Variants in SUGCT observed in about 807,000 individuals in gnomAD.
SUGCT encodes the protein succinyl-CoA:glutarate CoA-transferase.
A neutral mutation model predicts 55.0 loss-of-function variants in SUGCT; 41 were observed. The ratio of observed to expected loss-of-function variants is 0.74; its 90% CI spans 0.58 to 0.97. The LOEUF is 0.97. SUGCT is among the 50% of genes least tolerant of loss of function. The probability of loss-of-function intolerance (pLI) is 0.00; values close to 1 mark genes in which losing one functional copy is unlikely to be tolerated. For missense variants in SUGCT, 568 were observed against 547.8 expected (o/e 1.04, Z -0.37); for synonymous variants, 187 against 200.4 (o/e 0.93, Z 0.56).
At chr7:40,898,696 C>CT in the SUGCT span, among the ~76,000 whole-genome samples, 1 of 150,376 alleles carries the variant, frequency 6.6e-6, no homozygotes, top group Non-Finnish European at 1.5e-5. Flanking sequence ...GAGACTCCGT[C>CT]TAAAAAAAAA....
At chr7:40,562,512 GCGTGAGGAGAT>G (rs2151666092) in intron 12 of SUGCT, among the ~76,000 whole-genome samples, 1 of 152,212 alleles carries the variant, frequency 6.6e-6, no homozygotes, top group African/African-American at 2.4e-5. Context: ...GTTTTCTGCT[GCGTGAGGAGAT>G]TGAACTTCAA....
chr7:40,854,694 C>G (rs1794079062), intron 13 of SUGCT, among the ~76,000 whole-genome samples: 1 of 151,922 alleles, frequency 6.6e-6, no homozygotes, highest in South Asian at 2.1e-4. Context: ...GTATTCTTAG[C>G]TACTTGGGAG....
chr7:40,321,136 T>C (rs753029022), intron 9 of SUGCT, among the ~76,000 whole-genome samples: 2 of 141,490 alleles, frequency 1.4e-5, no homozygotes, highest in Non-Finnish European at 3.0e-5. Flanking sequence ...GAGTGTATGG[T>C]GCGATCTCGG....
At chr7:40,228,966 C>T (rs10282170) in intron 6 of SUGCT, among the ~76,000 whole-genome samples, 41,125 of 151,984 alleles carry the variant, frequency 0.27, 5,849 homozygotes, top group East Asian at 0.48. Context: ...AAGGCCTTTC[C>T]GGGTTGGCTT....
chr7:40,940,716 GTA>G, the SUGCT span, among the ~76,000 whole-genome samples: 2 of 152,016 alleles, frequency 1.3e-5, no homozygotes, highest in African/African-American at 4.8e-5. Context: ...CTACTGGTTT[GTA>G]TACGTTGATT....
At chr7:40,766,479 G>C (rs1015210869) in intron 13 of SUGCT, among the ~76,000 whole-genome samples, 1 of 152,024 alleles carries the variant, frequency 6.6e-6, no homozygotes, top group Non-Finnish European at 1.5e-5. Context: ...CAAAGTGCTG[G>C]GAAAATCTTT....
chr7:40,944,176 A>G, the SUGCT span, among the ~76,000 whole-genome samples: 4 of 152,020 alleles, frequency 2.6e-5, no homozygotes, highest in Non-Finnish European at 5.9e-5. Flanking sequence ...GATTCTGGAT[A>G]TTAGCCCTTT....
At position 40,521,851 on chromosome 7, in the gene SUGCT, G is replaced by T. The variant is rs758982447; in HGVS notation, c.1089+25465G>T. Among the ~76,000 whole-genome samples the T allele has an allele frequency of 4.6e-4, 70 of 151,980 alleles. 3 individuals carry two copies. The highest frequency in any genetic ancestry group is 8.8e-5 in the Non-Finnish European group (6 of 67,974). On this transcript the variant is annotated intron_variant, in intron 12 of 13. Transcript: ENST00000335693. ...AATAATAGTTGCATCTTTGTTAAGT[G>T]GAAACATAGATTGGTGGTGCTGGTA...
chr7:40,657,672 T>C (rs1353494704), intron 12 of SUGCT, among the ~76,000 whole-genome samples: 7 of 151,972 alleles, frequency 4.6e-5, no homozygotes, highest in Non-Finnish European at 7.4e-5. Context: ...GTAGCTGGGA[T>C]TACAGGCACC....
At position 40,855,551 on chromosome 7, in the gene SUGCT, T is replaced by C. The variant is rs1297415985; in HGVS notation, c.1154-4765T>C. 4.6e-5 allele frequency among the ~76,000 whole-genome samples: 7 copies of C among 152,350 alleles called. No individual in the cohort carries two copies. The South Asian group carries it at 1.5e-3, about 32-fold the overall frequency. On this transcript the variant is annotated intron_variant, in intron 13 of 13. Coordinates refer to ENST00000335693, the MANE Select transcript of SUGCT (RefSeq NM_001193313.2). ...TCTGTTCTTGTTCTGTTTTGAGTTA[T>C]CTTCATTGTTTCCACTTTTAACATC...
chr7:40,392,442 C>T (rs113197253), intron 9 of SUGCT, among the ~76,000 whole-genome samples: 3,404 of 151,840 alleles, frequency 0.022, 111 homozygotes, highest in African/African-American at 0.071. Flanking sequence ...GCTATAGAGG[C>T]GGGTAGAGGG....
chr7:40,893,782 T>C, the SUGCT span, among the ~76,000 whole-genome samples: 1 of 152,082 alleles, frequency 6.6e-6, no homozygotes, highest in Non-Finnish European at 1.5e-5. Context: ...TACAAGAGGC[T>C]GGGCATGGTG....
At chr7:40,142,483 G>C (rs1485913916) in intron 1 of SUGCT, among the ~76,000 whole-genome samples, 1 of 152,196 alleles carries the variant, frequency 6.6e-6, no homozygotes, top group African/African-American at 2.4e-5. Flanking sequence ...GTTTTAGTAA[G>C]TGCTGTTTTT....
chr7:40,876,527 G>T, the SUGCT span, among the ~76,000 whole-genome samples: 1 of 152,262 alleles, frequency 6.6e-6, no homozygotes, highest in African/African-American at 2.4e-5. Context: ...AAAGGAAAGG[G>T]GATCCCATGT....
intron 9 of SUGCT, among the ~76,000 whole-genome samples, chr7:40,328,872 A>G (rs994801721): frequency 2.6e-5 from 4 of 152,118 alleles, no homozygotes; most frequent in African/African-American, 4.8e-5. Flanking sequence ...AATGGGTTCA[A>G]ATCTACCCAA....
the SUGCT span, among the ~76,000 whole-genome samples, chr7:41,022,169 G>T: frequency 2.0e-5 from 3 of 152,068 alleles, no homozygotes; most frequent in Admixed American, 1.3e-4. Context: ...GTGAACAATG[G>T]ACTGCCAAAG....
At chr7:40,702,775 A>G (rs1193330651) in intron 12 of SUGCT, among the ~76,000 whole-genome samples, 1 of 152,142 alleles carries the variant, frequency 6.6e-6, no homozygotes, top group Non-Finnish European at 1.5e-5. Context: ...CAGCTCAATG[A>G]AAGATCACTG....
At chr7:40,997,130 C>T in the SUGCT span, among the ~76,000 whole-genome samples, 1 of 152,180 alleles carries the variant, frequency 6.6e-6, no homozygotes, top group Admixed American at 6.5e-5. Context: ...TTTTAAACTG[C>T]CTGCTCCACC....
the SUGCT span, among the ~76,000 whole-genome samples, chr7:40,999,702 G>C: frequency 0.85 from 129,336 of 152,070 alleles, 54,998 homozygotes; most frequent in Admixed American, 0.87. Context: ...TCCGCTACCC[G>C]AAACTTTCCT....
Sources: allele counts gnomAD v4.1 joint callset (sites outside exome capture counted in the v4.1 genomes callset), GRCh38; gene constraint gnomAD v4.1.1; transcripts MANE v1.5; gene names NCBI Gene and HGNC (gene_info 2026-07-23, HGNC 2026-07-21).